NR2F1-AS1: variants seen among roughly 807,000 people sequenced by gnomAD.
The protein encoded by NR2F1-AS1 is NR2F1 regulatory antisense RNA 1, also known as NR2F1 antisense RNA 1.
At chr5:93,451,455 TGCA>T in intron 4 of NR2F1-AS1, among the ~76,000 whole-genome samples, 1 of 152,018 alleles carries the variant, frequency 6.6e-6, no homozygotes, top group East Asian at 1.9e-4. Context: ...CAGGCTGGAG[TGCA>T]GCAGTGCCAT....
intron 4 of NR2F1-AS1, among the ~76,000 whole-genome samples, chr5:93,465,530 A>G (rs1302142039): frequency 6.6e-6 from 1 of 152,238 alleles, no homozygotes. Context: ...TTCCTCAAGG[A>G]TCTAGAATTA....
chr5:93,528,020 T>C (rs1218884526), intron 4 of NR2F1-AS1, among the ~76,000 whole-genome samples: 2 of 152,192 alleles, frequency 1.3e-5, no homozygotes, highest in Admixed American at 1.3e-4. Flanking sequence ...CTGAAGAGCT[T>C]CTGCACAGCA....
At chr5:93,422,525 T>A (rs188076664) in intron 4 of NR2F1-AS1, 3 of 152,210 alleles carry the variant, frequency 2.0e-5, no homozygotes, top group Admixed American at 2.0e-4. Context: ...GAGCAAAAAA[T>A]GGAATTGGAA....
chr5:93,585,518 G>A, upstream of NR2F1-AS1: 4 of 1,554,678 alleles, frequency 2.6e-6, no homozygotes, highest in South Asian at 3.4e-5. Flanking sequence ...CTCTCCCCGC[G>A]CTTCGCCCGC....
At chr5:93,416,403 T>C (rs1748968492) in intron 4 of NR2F1-AS1, among the ~76,000 whole-genome samples, 1 of 152,228 alleles carries the variant, frequency 6.6e-6, no homozygotes, top group African/African-American at 2.4e-5. Context: ...CTATAATTTT[T>C]ACCTACTTAA....
At chr5:93,490,872 G>T (rs943693828) in intron 4 of NR2F1-AS1, among the ~76,000 whole-genome samples, 3 of 148,328 alleles carry the variant, frequency 2.0e-5, no homozygotes, top group Non-Finnish European at 4.5e-5. Flanking sequence ...CTTGGTAATG[G>T]TGGTGTTGAT....
chr5:93,478,356 C>A (rs1295894382), intron 4 of NR2F1-AS1, among the ~76,000 whole-genome samples: 1 of 152,170 alleles, frequency 6.6e-6, no homozygotes, highest in South Asian at 2.1e-4. Context: ...CAATGCTGCA[C>A]TTGTATAAAA....
At chr5:93,434,280 A>T (rs1044837158) in intron 4 of NR2F1-AS1, among the ~76,000 whole-genome samples, 87 of 152,300 alleles carry the variant, frequency 5.7e-4, no homozygotes, top group African/African-American at 2.0e-3. Context: ...ACCAAACAGA[A>T]GGAGAGTTCC....
chr5:93,530,683 T>C (rs575199594), intron 4 of NR2F1-AS1, among the ~76,000 whole-genome samples: 62 of 152,314 alleles, frequency 4.1e-4, no homozygotes, highest in Middle Eastern at 3.4e-3. Flanking sequence ...CTTTTTAACA[T>C]TTCATTCACT....
chr5:93,510,559 G>A (rs554595204), intron 4 of NR2F1-AS1, among the ~76,000 whole-genome samples: 2 of 152,206 alleles, frequency 1.3e-5, no homozygotes, highest in African/African-American at 4.8e-5. Context: ...CTAGCTTTTT[G>A]TGACTTTTAA....
chr5:93,454,964 T>C (rs1249788319), intron 4 of NR2F1-AS1, among the ~76,000 whole-genome samples: 1 of 152,064 alleles, frequency 6.6e-6, no homozygotes, highest in Non-Finnish European at 1.5e-5. Flanking sequence ...ATAATAAATA[T>C]ACCCATTTAC....
intron 4 of NR2F1-AS1, among the ~76,000 whole-genome samples, chr5:93,419,728 A>C (rs1274171565): frequency 6.6e-6 from 1 of 152,226 alleles, no homozygotes; most frequent in African/African-American, 2.4e-5. Context: ...AGGTTTCTAA[A>C]GGATTCTGCA....
At chr5:93,422,766 G>A (rs1749114530) in intron 4 of NR2F1-AS1, among the ~76,000 whole-genome samples, 1 of 152,140 alleles carries the variant, frequency 6.6e-6, no homozygotes, top group Non-Finnish European at 1.5e-5. Context: ...AACTAATCCA[G>A]TTGCACATTG....
In NR2F1-AS1 at chr5:93,579,056, G is replaced by C. The variant is rs1274980636; in HGVS notation, n.313+1411C>G. Among the ~76,000 whole-genome samples, 1 of 152,216 alleles carries C rather than the reference G, an allele frequency of 6.6e-6. No homozygotes were observed. Among genetic ancestry groups the C allele is most frequent in the Admixed American group, 6.5e-5 (1 of 15,290 alleles). On this transcript the variant is annotated intron_variant and non_coding_transcript_variant, in intron 1 of 5. Coordinates refer to ENST00000660523, the Ensembl canonical transcript of NR2F1-AS1. The surrounding 1 kb of genome is among the most constrained non-coding windows in gnomAD (Gnocchi z 5.1). ...TGAGCACAAGTGGGGCGCCCTGTGG[G>C]TGTGCAACCGCGGTCGGGGAGCACA...
intron 4 of NR2F1-AS1, among the ~76,000 whole-genome samples, chr5:93,481,193 T>C (rs1191367014): frequency 6.6e-6 from 1 of 151,864 alleles, no homozygotes; most frequent in Admixed American, 6.6e-5. Flanking sequence ...ATGCAAATAA[T>C]AACCAAAAGA....
intron 4 of NR2F1-AS1, among the ~76,000 whole-genome samples, chr5:93,478,805 T>A (rs1750541585): frequency 6.6e-6 from 1 of 152,190 alleles, no homozygotes; most frequent in African/African-American, 2.4e-5. Flanking sequence ...TTGATGATCC[T>A]CATGTTTTAT....
At chr5:93,498,219 GATA>G (rs151039264) in intron 4 of NR2F1-AS1, among the ~76,000 whole-genome samples, 2 of 151,470 alleles carry the variant, frequency 1.3e-5, no homozygotes, top group African/African-American at 4.8e-5. Flanking sequence ...ACAACCAAAA[GATA>G]ATAATAATAA....
intron 4 of NR2F1-AS1, among the ~76,000 whole-genome samples, chr5:93,541,279 G>A (rs1304502477): frequency 1.3e-5 from 2 of 152,124 alleles, no homozygotes; most frequent in Non-Finnish European, 2.9e-5. Context: ...GTGATAAGCA[G>A]GCCCACCATA....
In NR2F1-AS1 at chr5:93,458,377, C is replaced by T. The variant is rs73133231; in HGVS notation, n.639-62835G>A. 7.5e-3 allele frequency among the ~76,000 whole-genome samples: 1,139 copies of T among 152,196 alleles called. 16 individuals carry two copies. Among genetic ancestry groups the T allele is most frequent in the African/African-American group, 0.026 (1,066 of 41,528 alleles). ...ATGGTACAGAATAGCACTGAAAATA[C>T]ACTTGTGATCAACTGATTTTCAACA... is the stretch of plus-strand genomic sequence containing the variant. On this transcript the variant is annotated intron_variant and non_coding_transcript_variant, in intron 4 of 5. Coordinates refer to ENST00000660523, the Ensembl canonical transcript of NR2F1-AS1.
Sources: gnomAD v4.1 joint callset for allele counts (sites outside exome capture counted in the v4.1 genomes callset) on GRCh38, gnomAD v4.1.1 for gene constraint, Gnocchi (gnomAD v3.1) non-coding constraint, MANE v1.5 for transcripts, NCBI Gene and HGNC (gene_info 2026-07-23, HGNC 2026-07-21) for gene names.